Variants in GALNT17 observed in about 807,000 individuals in gnomAD.
GALNT17 encodes polypeptide N-acetylgalactosaminyltransferase 17.
A neutral mutation model predicts 63.7 loss-of-function variants in GALNT17; 29 were observed. The ratio of observed to expected loss-of-function variants is 0.46; its 90% CI spans 0.34 to 0.62. GALNT17 has a LOEUF of 0.62. Among genes scored for constraint, GALNT17 ranks in the 20% least tolerant of loss-of-function variants. The pLI is 0.01. For missense variants in GALNT17, 603 were observed against 799.6 expected, an observed-to-expected ratio of 0.75 and a Z score of 2.97; for synonymous variants, 305 against 318.3, an observed-to-expected ratio of 0.96 and a Z score of 0.45.
intron 5 of GALNT17, among the ~76,000 whole-genome samples, chr7:71,439,941 C>G (rs998468891): frequency 1.4e-5 from 2 of 145,122 alleles, no homozygotes; most frequent in African/African-American, 5.1e-5. Flanking sequence ...CTTCCAGGCC[C>G]TCTTTTTTTT....
chr7:71,367,443 CA>C (rs1417116436), intron 2 of GALNT17, among the ~76,000 whole-genome samples: 1 of 152,192 alleles, frequency 6.6e-6, no homozygotes, highest in African/African-American at 2.4e-5. Flanking sequence ...ATCATAATGA[CA>C]GCCGAGAAGG....
At chr7:71,345,233 G>A (rs373285604) in intron 2 of GALNT17, among the ~76,000 whole-genome samples, 11 of 148,666 alleles carry the variant, frequency 7.4e-5, no homozygotes, top group Admixed American at 2.7e-4. Flanking sequence ...CGATTATCTC[G>A]TACTGTGAGG....
chr7:71,625,017 A>C (rs977816299), intron 6 of GALNT17, among the ~76,000 whole-genome samples: 1 of 152,228 alleles, frequency 6.6e-6, no homozygotes, highest in Non-Finnish European at 1.5e-5. Flanking sequence ...ATAATTATAA[A>C]AATCATTTTG....
Position 71,607,172 on chromosome 7 carries a change from A to T in GALNT17, c.1080+35770A>T, listed in dbSNP as rs142120736. 8.3e-3 allele frequency among the ~76,000 whole-genome samples: 1,269 copies of T among 152,224 alleles called. 10 individuals carry two copies. The highest frequency in any genetic ancestry group is 0.011 in the Non-Finnish European group (775 of 68,014). ...AGGTGACAGAGTGAGACCCTACCTA[A>T]GAGAAAAAAAGGAAAATACAAATTG... On this transcript the variant is annotated intron_variant, in intron 6 of 10. Coordinates refer to ENST00000333538, the MANE Select transcript of GALNT17 (RefSeq NM_022479.3).
At chr7:71,155,324 A>T (rs915657243) in intron 1 of GALNT17, among the ~76,000 whole-genome samples, 5 of 151,672 alleles carry the variant, frequency 3.3e-5, no homozygotes, top group Non-Finnish European at 5.9e-5. Context: ...CCCAGGCTGG[A>T]GTGCAGTGGC....
intron 6 of GALNT17, among the ~76,000 whole-genome samples, chr7:71,617,522 A>G (rs987748563): frequency 6.6e-6 from 1 of 151,852 alleles, no homozygotes; most frequent in African/African-American, 2.4e-5. Context: ...GGGTTTCACC[A>G]TGTTGGCCAG....
intron 1 of GALNT17, among the ~76,000 whole-genome samples, chr7:71,229,443 T>C (rs1789746479): frequency 6.6e-6 from 1 of 152,196 alleles, no homozygotes; most frequent in Non-Finnish European, 1.5e-5. Flanking sequence ...CCTGGCTCTT[T>C]CGTCAGCCTC....
intron 9 of GALNT17, among the ~76,000 whole-genome samples, chr7:71,698,907 C>A (rs752154037): frequency 6.6e-6 from 1 of 152,044 alleles, no homozygotes; most frequent in Non-Finnish European, 1.5e-5. Context: ...CCCAGTGGCT[C>A]ACGCCTGTAA....
At chr7:71,397,129 A>G (rs1478723970) in intron 3 of GALNT17, among the ~76,000 whole-genome samples, 2 of 152,094 alleles carry the variant, frequency 1.3e-5, no homozygotes, top group Non-Finnish European at 2.9e-5. Flanking sequence ...TACCTCCTCT[A>G]TTTATTTTTA....
At chr7:71,149,329 A>G (rs1027717016) in intron 1 of GALNT17, among the ~76,000 whole-genome samples, 2 of 152,194 alleles carry the variant, frequency 1.3e-5, no homozygotes, top group Non-Finnish European at 2.9e-5. Flanking sequence ...TGTGAGGAAG[A>G]TGAAACTAAG....
In GALNT17 at chr7:71,665,982, G is replaced by A. The variant is rs1423369420; in HGVS notation, c.1266+386G>A. On this transcript the variant is annotated intron_variant, in intron 7 of 10. Coordinates refer to ENST00000333538, the MANE Select transcript of GALNT17 (RefSeq NM_022479.3). ...GAGCTCCAGCTGCCCCGTATCATATGCCTTTACTCTATGCCAAATCCCCTA... is the reference window on the plus strand; with the variant it reads ...GAGCTCCAGCTGCCCCGTATCATATACCTTTACTCTATGCCAAATCCCCTA... Among the ~76,000 whole-genome samples, 6 of 152,108 alleles carry A rather than the reference G, an allele frequency of 3.9e-5. No individual in the cohort carries two copies. In the South Asian group the frequency reaches 8.3e-4, roughly 21 times the overall value.
chr7:71,592,027 G>A (rs566589296), intron 6 of GALNT17, among the ~76,000 whole-genome samples: 11 of 152,300 alleles, frequency 7.2e-5, no homozygotes, highest in African/African-American at 1.4e-4. Context: ...GGAGCTGTCC[G>A]TCTGTCAGTT....
intron 5 of GALNT17, among the ~76,000 whole-genome samples, chr7:71,548,529 C>T (rs960157073): frequency 3.9e-5 from 6 of 152,158 alleles, no homozygotes; most frequent in Admixed American, 2.6e-4. Context: ...CCATGCTGTT[C>T]TCTTGATAGT....
intron 6 of GALNT17, among the ~76,000 whole-genome samples, chr7:71,612,802 T>G (rs4717607): frequency 0.96 from 146,731 of 152,262 alleles, 70,893 homozygotes; most frequent in East Asian, 1. Context: ...TAGTTTATTC[T>G]CACACATGCA....
intron 5 of GALNT17, among the ~76,000 whole-genome samples, chr7:71,540,810 T>C (rs1348257000): frequency 2.1e-4 from 32 of 152,166 alleles, no homozygotes; most frequent in Admixed American, 2.1e-3. Flanking sequence ...CATTCACCAG[T>C]GGGCCATTTT....
At chr7:71,608,988 C>A (rs998468232) in intron 6 of GALNT17, among the ~76,000 whole-genome samples, 8 of 149,874 alleles carry the variant, frequency 5.3e-5, no homozygotes, top group African/African-American at 1.7e-4. Context: ...GTTTTGTTGC[C>A]CAGACTCATC....
At chr7:71,148,820 C>T (rs1788073024) in intron 1 of GALNT17, among the ~76,000 whole-genome samples, 1 of 140,714 alleles carries the variant, frequency 7.1e-6, no homozygotes, top group Non-Finnish European at 1.5e-5. Flanking sequence ...TAGTTGAAGG[C>T]ATCTTAGATT....
At chr7:71,240,048 G>A (rs923892235) in intron 1 of GALNT17, among the ~76,000 whole-genome samples, 9 of 152,112 alleles carry the variant, frequency 5.9e-5, no homozygotes, top group African/African-American at 2.2e-4. Context: ...ATAAAAGAAT[G>A]CCTCACAGTT....
At chr7:71,255,114 C>T (rs535587150) in intron 1 of GALNT17, among the ~76,000 whole-genome samples, 1 of 152,140 alleles carries the variant, frequency 6.6e-6, no homozygotes, top group Non-Finnish European at 1.5e-5. Flanking sequence ...ACAAAATATT[C>T]AATGATCCTA....
Sources: allele counts gnomAD v4.1 joint callset (sites outside exome capture counted in the v4.1 genomes callset), GRCh38; gene constraint gnomAD v4.1.1; transcripts MANE v1.5; gene names NCBI Gene and HGNC (gene_info 2026-07-23, HGNC 2026-07-21).